The following DLG1 variants were observed in gnomAD, a reference collection of about 807,000 sequenced individuals.
DLG1 encodes disks large homolog 1.
In DLG1, 42 loss-of-function variants were observed where a neutral mutation model predicts 123.4. The ratio of observed to expected loss-of-function variants is 0.34; its 90% CI spans 0.27 to 0.44. The LOEUF (loss-of-function observed/expected upper bound fraction) is 0.44. Among genes scored for constraint, DLG1 ranks in the 20% least tolerant of loss-of-function variants. The pLI is 1.00. For missense variants in DLG1, 942 were observed against 1,082.6 expected (o/e 0.87, Z 1.82); for synonymous variants, 317 against 356.2 (o/e 0.89, Z 1.24).
chr3:197,265,910 C>T lies in DLG1; in HGVS notation c.318+16769G>A, dbSNP rs564168132. Among the ~76,000 whole-genome samples the T allele has an allele frequency of 2.0e-5, 3 of 152,150 alleles. No homozygotes were observed. The East Asian group carries it at 5.8e-4, about 29-fold the overall frequency. ...ACCAAAAATACAAAAATTAGCCAGG[C>T]GTGGTGGCACATGCCTGTAATCCCA... is the stretch of plus-strand genomic sequence containing the variant. On this transcript the variant is annotated intron_variant, in intron 4 of 24. Coordinates refer to ENST00000667157, the MANE Select transcript of DLG1 (RefSeq NM_001366207.1).
intron 5 of DLG1, among the ~76,000 whole-genome samples, chr3:197,177,336 C>G (rs1807673449): frequency 6.6e-6 from 1 of 152,058 alleles, no homozygotes; most frequent in Admixed American, 6.6e-5. Flanking sequence ...GGAAAATAAC[C>G]TATCAATTAG....
intron 6 of DLG1, among the ~76,000 whole-genome samples, chr3:197,143,140 T>C (rs1788893730): frequency 1.3e-5 from 2 of 152,242 alleles, no homozygotes; most frequent in Admixed American, 1.3e-4. Context: ...CTAATACCTT[T>C]GTTCAGGCCT....
chr3:197,089,729 G>C (rs1013942425), intron 15 of DLG1, among the ~76,000 whole-genome samples: 1 of 151,286 alleles, frequency 6.6e-6, no homozygotes, highest in Non-Finnish European at 1.5e-5. Flanking sequence ...CAAAAAAAAA[G>C]AAAGTGTAAA....
At chr3:197,112,701 C>T (rs909001622) in intron 13 of DLG1, among the ~76,000 whole-genome samples, 10 of 152,038 alleles carry the variant, frequency 6.6e-5, no homozygotes, top group African/African-American at 2.4e-4. Context: ...AGTGATCCTC[C>T]TGCCTTAGCC....
chr3:197,297,527 G>T (rs996524551), intron 1 of DLG1: 6 of 1,183,266 alleles, frequency 5.1e-6, no homozygotes, highest in Non-Finnish European at 6.3e-6. Context: ...CCCCGCACAA[G>T]TATCCACACT....
intron 4 of DLG1, among the ~76,000 whole-genome samples, chr3:197,268,397 A>G (rs1299136575): frequency 1.3e-5 from 2 of 152,000 alleles, no homozygotes; most frequent in African/African-American, 4.8e-5. Flanking sequence ...TTGGCATAAT[A>G]TGACAGTTGT....
At chr3:197,146,136 A>T (rs1164805493) in intron 6 of DLG1, among the ~76,000 whole-genome samples, 2 of 152,138 alleles carry the variant, frequency 1.3e-5, no homozygotes, top group Non-Finnish European at 2.9e-5. Context: ...ACTACAAAAC[A>T]CTGCTGAAAG....
chr3:197,122,317 C>T (rs1271706116), intron 11 of DLG1, among the ~76,000 whole-genome samples: 6 of 151,892 alleles, frequency 4.0e-5, no homozygotes, highest in Admixed American at 3.9e-4. Context: ...TTTCTTAATA[C>T]AAAAAGGGTA....
At chr3:197,102,074 C>T (rs889004083) in intron 14 of DLG1, among the ~76,000 whole-genome samples, 4 of 152,164 alleles carry the variant, frequency 2.6e-5, no homozygotes, top group Admixed American at 1.3e-4. Context: ...GATAATGATT[C>T]TCCAAAAAGA....
chr3:197,245,904 G>A (rs902655297), intron 4 of DLG1, among the ~76,000 whole-genome samples: 3 of 142,290 alleles, frequency 2.1e-5, no homozygotes, highest in African/African-American at 7.7e-5. Context: ...TTTTTTTGGG[G>A]GGGGGGGAGG....
intron 24 of DLG1, among the ~76,000 whole-genome samples, chr3:197,049,786 G>A (rs1726010342): frequency 6.6e-6 from 1 of 152,142 alleles, no homozygotes; most frequent in Non-Finnish European, 1.5e-5. Flanking sequence ...GAATATTGTA[G>A]GCCAGGTGCA....
At chr3:197,106,423 C>A (rs373657152) in intron 13 of DLG1, among the ~76,000 whole-genome samples, 1 of 148,952 alleles carries the variant, frequency 6.7e-6, no homozygotes, top group Admixed American at 6.7e-5. Context: ...CCAGCCCCCC[C>A]CACCCCCCTC....
intron 14 of DLG1, among the ~76,000 whole-genome samples, chr3:197,099,923 G>A (rs193213403): frequency 7.9e-5 from 12 of 152,218 alleles, no homozygotes; most frequent in African/African-American, 1.2e-4. Context: ...AGAACCCCAC[G>A]TATACCAAAA....
rs141115004 is a variant in DLG1, at chr3:197,076,251, A to G, written c.2005+335T>C. Among the ~76,000 whole-genome samples the G allele has an allele frequency of 5.9e-3, 906 of 152,370 alleles. 3 individuals are homozygous for G. Among genetic ancestry groups the G allele is most frequent in the South Asian group, 0.021 (102 of 4,830 alleles). On this transcript the variant is annotated intron_variant, in intron 18 of 24. Coordinates refer to ENST00000667157, the MANE Select transcript of DLG1 (RefSeq NM_001366207.1). The stretch of plus-strand genomic sequence containing the variant: ...CCTAGAAATCAACAGGTAGCTTCTC[A>G]TGTATTCATGTTCTTCCTCTAAAAT...
At chr3:197,267,535 G>A (rs1762201932) in intron 4 of DLG1, among the ~76,000 whole-genome samples, 2 of 149,414 alleles carry the variant, frequency 1.3e-5, no homozygotes, top group Non-Finnish European at 1.5e-5. Context: ...TCTCTTCTTA[G>A]CTAAGCTTCT....
At position 197,082,946 on chromosome 3, in the gene DLG1, G is replaced by A. The variant is rs543084949; in HGVS notation, c.1839-1829C>T. 2.6e-5 allele frequency among the ~76,000 whole-genome samples: 4 copies of A among 152,276 alleles called. No individual in the cohort carries two copies. The South Asian group carries it at 8.3e-4, about 32-fold the overall frequency. On this transcript the variant is annotated intron_variant, in intron 16 of 24. Transcript: ENST00000667157. ...CACAGAAAGCCTTTGTAAGGTATGAGACTCCAAGAACCAAGACAATTTTTA... is the reference window on the plus strand; with the variant it reads ...CACAGAAAGCCTTTGTAAGGTATGAAACTCCAAGAACCAAGACAATTTTTA...
intron 3 of DLG1, among the ~76,000 whole-genome samples, chr3:197,288,145 CAGG>C (rs936187897): frequency 1.3e-5 from 2 of 152,018 alleles, no homozygotes; most frequent in African/African-American, 4.8e-5. Flanking sequence ...GCAGGCAGAT[CAGG>C]AGGTCAAGAG....
chr3:197,177,159 G>A (rs2150088042), intron 5 of DLG1, among the ~76,000 whole-genome samples: 2 of 152,136 alleles, frequency 1.3e-5, no homozygotes, highest in South Asian at 4.1e-4. Flanking sequence ...CCAAGTCTGA[G>A]TCATCATATT....
At chr3:197,202,057 T>C (rs1002047959) in intron 4 of DLG1, among the ~76,000 whole-genome samples, 1 of 152,030 alleles carries the variant, frequency 6.6e-6, no homozygotes, top group African/African-American at 2.4e-5. Context: ...TGCATTGCTT[T>C]AGTGATGGAT....
Sources: gnomAD v4.1 joint callset for allele counts (sites outside exome capture counted in the v4.1 genomes callset) on GRCh38, gnomAD v4.1.1 for gene constraint, MANE v1.5 for transcripts, NCBI Gene and HGNC (gene_info 2026-07-23, HGNC 2026-07-21) for gene names.